The following GALNT13 variants were observed in gnomAD, a reference collection of about 807,000 sequenced individuals.
GALNT13 encodes UDP-GalNAc:polypeptide N-acetylgalactosaminyltransferase 13.
In GALNT13, 28 loss-of-function variants were observed where a neutral mutation model predicts 64.2. The ratio of observed to expected loss-of-function variants is 0.44; its 90% CI spans 0.32 to 0.60. The LOEUF is 0.60. Ranked by LOEUF, GALNT13 falls within the 20% of genes least tolerant of loss-of-function variation. The pLI is 0.05. For missense variants in GALNT13, 577 were observed against 669.8 expected, an observed-to-expected ratio of 0.86 and a Z score of 1.53; for synonymous variants, 214 against 224.6, an observed-to-expected ratio of 0.95 and a Z score of 0.42.
the GALNT13 span, among the ~76,000 whole-genome samples, chr2:153,812,292 A>G: frequency 9.2e-5 from 14 of 152,204 alleles, no homozygotes; most frequent in African/African-American, 2.9e-4. Context: ...TGTACATTCT[A>G]TAATGGACAC....
At chr2:153,818,244 C>T in the GALNT13 span, among the ~76,000 whole-genome samples, 4 of 152,186 alleles carry the variant, frequency 2.6e-5, no homozygotes, top group East Asian at 7.7e-4. Context: ...ACAAAGAAAG[C>T]CACCTGGAGT....
the GALNT13 span, among the ~76,000 whole-genome samples, chr2:153,200,013 G>T: frequency 6.6e-6 from 1 of 152,132 alleles, no homozygotes; most frequent in South Asian, 2.1e-4. Context: ...TAGTAAAGTT[G>T]CTTATATAGA....
the GALNT13 span, among the ~76,000 whole-genome samples, chr2:153,584,717 C>T: frequency 3.9e-5 from 6 of 152,200 alleles, no homozygotes; most frequent in African/African-American, 1.2e-4. Context: ...TAATCCACCA[C>T]TGAAATCTGA....
chr2:154,427,920 G>C (rs755659581), intron 11 of GALNT13, among the ~76,000 whole-genome samples: 2 of 152,130 alleles, frequency 1.3e-5, no homozygotes, highest in African/African-American at 2.4e-5. Flanking sequence ...AGGATGGTGT[G>C]AATATGGAGG....
At chr2:153,727,565 A>G in the GALNT13 span, among the ~76,000 whole-genome samples, 10 of 152,226 alleles carry the variant, frequency 6.6e-5, no homozygotes, top group East Asian at 1.9e-4. Flanking sequence ...GACTTTACCA[A>G]TTGCCATCCA....
chr2:153,760,448 T>C, the GALNT13 span, among the ~76,000 whole-genome samples: 10 of 152,068 alleles, frequency 6.6e-5, no homozygotes, highest in Non-Finnish European at 1.5e-5. Flanking sequence ...TCCATTATTG[T>C]TTGTCTTAAG....
intron 8 of GALNT13, among the ~76,000 whole-genome samples, chr2:154,284,520 TACACACACACAC>T (rs372990123): frequency 4.8e-5 from 7 of 145,854 alleles, no homozygotes; most frequent in East Asian, 2.0e-4. Flanking sequence ...TACATATAGC[TACACACACACAC>T]ACACACACAC....
At chr2:153,755,840 A>C in the GALNT13 span, among the ~76,000 whole-genome samples, 3 of 152,118 alleles carry the variant, frequency 2.0e-5, no homozygotes, top group Non-Finnish European at 4.4e-5. Context: ...TAAGTACCCA[A>C]ATCTTTATCT....
chr2:153,605,256 C>T, the GALNT13 span, among the ~76,000 whole-genome samples: 2 of 152,064 alleles, frequency 1.3e-5, no homozygotes, highest in African/African-American at 4.8e-5. Flanking sequence ...GCTCTTTACA[C>T]AGAGCTGGTA....
intron 8 of GALNT13, among the ~76,000 whole-genome samples, chr2:154,284,297 T>C (rs1692132971): frequency 6.6e-6 from 1 of 152,146 alleles, no homozygotes; most frequent in African/African-American, 2.4e-5. Context: ...TTCCCTGTAA[T>C]CTACTTTCTC....
At chr2:153,201,953 G>C in the GALNT13 span, among the ~76,000 whole-genome samples, 1 of 149,700 alleles carries the variant, frequency 6.7e-6, no homozygotes, top group Non-Finnish European at 1.5e-5. Flanking sequence ...CCACAGGATG[G>C]CCCCTCTCTC....
At chr2:154,232,198 C>T (rs1688953087) in intron 4 of GALNT13, among the ~76,000 whole-genome samples, 1 of 152,154 alleles carries the variant, frequency 6.6e-6, no homozygotes, top group South Asian at 2.1e-4. Context: ...GTGAAGCTTT[C>T]ACTCATTCAA....
intron 9 of GALNT13, among the ~76,000 whole-genome samples, chr2:154,356,143 T>C (rs549446744): frequency 6.6e-6 from 1 of 152,178 alleles, no homozygotes; most frequent in East Asian, 1.9e-4. Context: ...AAAATCTGTT[T>C]GCTTTGTTTT....
the GALNT13 span, among the ~76,000 whole-genome samples, chr2:153,609,854 T>A: frequency 6.6e-6 from 1 of 152,108 alleles, no homozygotes; most frequent in Admixed American, 6.6e-5. Flanking sequence ...ACCAACATAC[T>A]GTCTAGGCAT....
the GALNT13 span, among the ~76,000 whole-genome samples, chr2:153,597,554 C>T: frequency 7.9e-5 from 12 of 152,114 alleles, no homozygotes; most frequent in South Asian, 1.7e-3. Flanking sequence ...AGGAGTAAAT[C>T]TTCATGAGCT....
At chr2:153,369,101 T>C in the GALNT13 span, among the ~76,000 whole-genome samples, 1 of 152,168 alleles carries the variant, frequency 6.6e-6, no homozygotes, top group African/African-American at 2.4e-5. Context: ...ATCTAGGAAA[T>C]GAAAATGTAT....
chr2:153,576,961 C>T, the GALNT13 span, among the ~76,000 whole-genome samples: 2 of 152,012 alleles, frequency 1.3e-5, no homozygotes, highest in Admixed American at 6.6e-5. Context: ...CAAAGATGTT[C>T]CCTGTTTCTC....
At chr2:153,263,260 A>T in the GALNT13 span, among the ~76,000 whole-genome samples, 1 of 152,142 alleles carries the variant, frequency 6.6e-6, no homozygotes, top group African/African-American at 2.4e-5. Context: ...GACCTCTTCA[A>T]GGAGAACTAC....
intron 3 of GALNT13, among the ~76,000 whole-genome samples, chr2:154,014,155 G>A (rs1461830677): frequency 6.6e-6 from 1 of 152,212 alleles, no homozygotes; most frequent in Non-Finnish European, 1.5e-5. Flanking sequence ...AGCTTGGTGA[G>A]CCTTGGGGGA....
Sources: allele counts gnomAD v4.1 joint callset (sites outside exome capture counted in the v4.1 genomes callset), GRCh38; gene constraint gnomAD v4.1.1; transcripts MANE v1.5; gene names NCBI Gene and HGNC (gene_info 2026-07-23, HGNC 2026-07-21).